NEO1: variants seen among roughly 807,000 people sequenced by gnomAD.
The protein encoded by NEO1 is neogenin 1, also known as neogenin.
In NEO1, 63 loss-of-function variants were observed where a neutral mutation model predicts 159.7. The ratio of observed to expected loss-of-function variants is 0.39; its 90% CI spans 0.32 to 0.49. The LOEUF (loss-of-function observed/expected upper bound fraction) is 0.49. Among genes scored for constraint, NEO1 ranks in the 20% least tolerant of loss-of-function variants. The pLI is 0.85. For synonymous variants in NEO1, 633 were observed against 662.0 expected, an observed-to-expected ratio of 0.96 and a Z score of 0.67; for missense variants, 1,615 against 1,831.0, an observed-to-expected ratio of 0.88 and a Z score of 2.15.
chr15:73,246,064 T>G (rs1286263341), intron 9 of NEO1, among the ~76,000 whole-genome samples: 1 of 152,148 alleles, frequency 6.6e-6, no homozygotes, highest in Non-Finnish European at 1.5e-5. Flanking sequence ...TAGAAATAAT[T>G]TAAGAACTTT....
intron 7 of NEO1, among the ~76,000 whole-genome samples, chr15:73,235,121 A>G (rs2150847838): frequency 6.6e-6 from 1 of 152,204 alleles, no homozygotes; most frequent in South Asian, 2.1e-4. Flanking sequence ...GAGATAGATA[A>G]TTTATTTCAC....
chr15:73,182,214 C>T (rs1002358716), intron 7 of NEO1, among the ~76,000 whole-genome samples: 21 of 152,210 alleles, frequency 1.4e-4, no homozygotes, highest in African/African-American at 4.3e-4. Context: ...TGGGTGATTC[C>T]ACTGGGAGGT....
Position 73,270,427 on chromosome 15 carries a change from A to T in NEO1, c.2830A>T (p.Thr944Ser). Residue 944 changes from threonine (T) to serine (S), a missense_variant, in exon 18 of 29, where the codon ACA (threonine) becomes TCA (serine). By Grantham distance (58) the Thr-to-Ser change is moderately conservative. Transcript: ENST00000261908. ...TCGAAGATCAAGTACATGGAGTATG[A>T]CAGCCCATGGGACCACCTTTGAATT... ...KGRRSSTWSMTAHGTTFELVP... is the reference protein window; with the variant it reads ...KGRRSSTWSMSAHGTTFELVP... 1.2e-6 allele frequency: 2 copies of T among 1,613,898 alleles called. No homozygotes were observed. The highest frequency in any genetic ancestry group is 1.7e-6 in the Non-Finnish European group (2 of 1,180,004).
At chr15:73,160,952 C>T (rs1393959747) in intron 5 of NEO1, among the ~76,000 whole-genome samples, 3 of 152,070 alleles carry the variant, frequency 2.0e-5, no homozygotes, top group African/African-American at 7.2e-5. Flanking sequence ...ATGTTTGATT[C>T]CACTGTTAGG....
intron 1 of NEO1, among the ~76,000 whole-genome samples, chr15:73,109,631 GTACAT>G (rs1052459110): frequency 6.6e-6 from 1 of 151,952 alleles, no homozygotes; most frequent in African/African-American, 2.4e-5. Flanking sequence ...GTGTATCAAG[GTACAT>G]TACCCTATAG....
At position 73,069,148 on chromosome 15, in the gene NEO1, A is replaced by C. The variant is rs190137332; in HGVS notation, c.130+16343A>C. ...GTATTTTTTTTTTTTTTTTTTGTAG[A>C]GACAGGGTTTTGCTATGTTGCCCAG... On this transcript the variant is annotated intron_variant, in intron 1 of 28. Coordinates refer to ENST00000261908, the MANE Select transcript of NEO1 (RefSeq NM_002499.4). 2.6e-3 allele frequency among the ~76,000 whole-genome samples: 335 copies of C among 127,030 alleles called. 2 individuals are homozygous for C. Among genetic ancestry groups the C allele is most frequent in the African/African-American group, 8.9e-3 (320 of 35,972 alleles). The allele number at this position is 127,030 out of a possible 152,430, so 83.3% of individuals were successfully genotyped here.
chr15:73,206,490 T>G (rs1198874426), intron 7 of NEO1, among the ~76,000 whole-genome samples: 1 of 152,190 alleles, frequency 6.6e-6, no homozygotes, highest in Non-Finnish European at 1.5e-5. Context: ...GAAGGAGGTT[T>G]AAGGTTTTGT....
chr15:73,137,204 G>A (rs2031858841), intron 5 of NEO1, among the ~76,000 whole-genome samples: 1 of 152,022 alleles, frequency 6.6e-6, no homozygotes, highest in Non-Finnish European at 1.5e-5. Context: ...TCTCAGATTG[G>A]CAACCAAGTG....
intron 2 of NEO1, among the ~76,000 whole-genome samples, chr15:73,120,569 T>A (rs1412607275): frequency 6.6e-6 from 1 of 151,900 alleles, no homozygotes; most frequent in Non-Finnish European, 1.5e-5. Flanking sequence ...ACTTTTTAGA[T>A]ATTATAATAG....
At chr15:73,188,065 C>T (rs2036033480) in intron 7 of NEO1, among the ~76,000 whole-genome samples, 1 of 152,070 alleles carries the variant, frequency 6.6e-6, no homozygotes, top group African/African-American at 2.4e-5. Context: ...TTACTTCTTG[C>T]AAGATAACCC....
intron 5 of NEO1, among the ~76,000 whole-genome samples, chr15:73,166,749 T>G (rs1398415783): frequency 6.6e-6 from 1 of 152,126 alleles, no homozygotes. Context: ...GGGTGTGACT[T>G]CTCCCAAGTC....
chr15:73,282,841 T>C, intron 22 of NEO1, 123 bp from the exon 23 acceptor site: 2 of 1,194,560 alleles, frequency 1.7e-6, no homozygotes, highest in Non-Finnish European at 2.4e-6. Flanking sequence ...GGCACTTTTA[T>C]ATAAGTCAGA....
chr15:73,080,687 G>A (rs1338932286), intron 1 of NEO1, among the ~76,000 whole-genome samples: 2 of 152,134 alleles, frequency 1.3e-5, no homozygotes, highest in African/African-American at 2.4e-5. Context: ...AAGCATTAGT[G>A]AGGAAGTTGA....
At chr15:73,225,426 G>A (rs1235119443) in intron 7 of NEO1, among the ~76,000 whole-genome samples, 1 of 152,098 alleles carries the variant, frequency 6.6e-6, no homozygotes, top group African/African-American at 2.4e-5. Context: ...CATCAGGAGG[G>A]GGCGGGGCTA....
At chr15:73,208,753 T>C (rs1024305198) in intron 7 of NEO1, among the ~76,000 whole-genome samples, 2 of 152,072 alleles carry the variant, frequency 1.3e-5, no homozygotes, top group Non-Finnish European at 2.9e-5. Context: ...TCCCAGCTGC[T>C]CAGGAGGCTG....
chr15:73,281,587 G>T (rs896771175), intron 22 of NEO1, among the ~76,000 whole-genome samples: 1 of 152,104 alleles, frequency 6.6e-6, no homozygotes, highest in Non-Finnish European at 1.5e-5. Flanking sequence ...CACATTCCAG[G>T]CCATACTTTG....
rs34114271 is a variant in NEO1 at position 73,290,224 on chromosome 15, A to ATTTT, written c.3742+1011_3742+1014dup. ...ATAGCTTTAGGTTTTACTGTGTGGA[A>ATTTT]TTTTTTTTTTTTTTTTTTTTTTTTT... On this transcript the variant is annotated intron_variant, in intron 25 of 28. Coordinates refer to ENST00000261908, the MANE Select transcript of NEO1 (RefSeq NM_002499.4). 1.2e-3 allele frequency among the ~76,000 whole-genome samples: 98 copies of ATTTT among 82,274 alleles called. 7 individuals carry two copies. The highest frequency in any genetic ancestry group is 1.8e-3 in the Non-Finnish European group (77 of 43,918). 54.0% of individuals were successfully genotyped at this position (82,274 alleles called of 152,430 possible).
intron 5 of NEO1, among the ~76,000 whole-genome samples, chr15:73,166,392 A>C (rs1350929490): frequency 6.6e-6 from 1 of 152,212 alleles, no homozygotes; most frequent in Non-Finnish European, 1.5e-5. Context: ...CCAGTGCAGC[A>C]AAGCTAAACA....
chr15:73,242,031 A>G (rs959775354), intron 8 of NEO1, among the ~76,000 whole-genome samples: 6 of 152,204 alleles, frequency 3.9e-5, no homozygotes, highest in Admixed American at 3.9e-4. Flanking sequence ...CTGTATGAGC[A>G]TTCTGCTACG....
Sources: allele counts gnomAD v4.1 joint callset (sites outside exome capture counted in the v4.1 genomes callset), GRCh38; gene constraint gnomAD v4.1.1; transcripts MANE v1.5; gene names NCBI Gene and HGNC (gene_info 2026-07-23, HGNC 2026-07-21).